Variants in CDH13 observed in about 807,000 individuals in gnomAD.
The protein encoded by CDH13 is cadherin 13, also known as cadherin-13.
CDH13 carries 24 observed loss-of-function variants against 63.8 expected under a neutral mutation model. That is an observed-to-expected ratio of 0.38 (90% CI 0.27 to 0.53). The LOEUF (loss-of-function observed/expected upper bound fraction) is 0.53, where lower values mean the gene tolerates loss of function less well. CDH13 is among the 20% of genes least tolerant of loss of function. The pLI, the probability that CDH13 is intolerant of heterozygous loss-of-function variation, is 0.85. For synonymous variants in CDH13, 503 were observed against 355.3 expected (o/e 1.42, Z -4.67); for missense variants, 1,049 against 903.1 (o/e 1.16, Z -2.07).
At chr16:83,447,372 G>A (rs574326215) in intron 6 of CDH13, among the ~76,000 whole-genome samples, 33 of 151,766 alleles carry the variant, frequency 2.2e-4, no homozygotes, top group African/African-American at 7.5e-4. Context: ...CTGAGATCAC[G>A]CCACTGCACT....
chr16:82,837,265 G>A (rs557982174), intron 1 of CDH13, among the ~76,000 whole-genome samples: 10 of 152,298 alleles, frequency 6.6e-5, no homozygotes, highest in South Asian at 6.2e-4. Context: ...AATAGTGGTG[G>A]TGAGCATGGG....
intron 5 of CDH13, among the ~76,000 whole-genome samples, chr16:83,230,486 T>C (rs531456157): frequency 6.6e-6 from 1 of 152,258 alleles, no homozygotes; most frequent in South Asian, 2.1e-4. Flanking sequence ...TCTGGAATTA[T>C]TTTTAGAAAG....
chr16:83,420,900 G>C (rs1300001909), intron 6 of CDH13, among the ~76,000 whole-genome samples: 1 of 152,216 alleles, frequency 6.6e-6, no homozygotes, highest in Non-Finnish European at 1.5e-5. Context: ...GGAACAGGAG[G>C]AAGCATCTAG....
intron 7 of CDH13, among the ~76,000 whole-genome samples, chr16:83,532,039 G>C (rs2075094706): frequency 1.3e-5 from 2 of 152,144 alleles, no homozygotes; most frequent in Non-Finnish European, 1.5e-5. Context: ...CTATGCTTGT[G>C]ATAGTGAGGA....
intron 1 of CDH13, among the ~76,000 whole-genome samples, chr16:82,638,868 C>G (rs996045309): frequency 2.1e-5 from 2 of 94,018 alleles, no homozygotes; most frequent in African/African-American, 6.9e-5. Flanking sequence ...GCCATGAGTA[C>G]TTGTTTAAAG....
At chr16:82,794,098 A>T (rs937184176) in intron 1 of CDH13, among the ~76,000 whole-genome samples, 1 of 152,002 alleles carries the variant, frequency 6.6e-6, no homozygotes, top group Admixed American at 6.6e-5. Flanking sequence ...CTGAGGGAGG[A>T]TGACTTTGAA....
chr16:82,998,936 G>A (rs536284773), intron 2 of CDH13, among the ~76,000 whole-genome samples: 50 of 143,436 alleles, frequency 3.5e-4, no homozygotes, highest in Non-Finnish European at 5.6e-4. Context: ...TGTTAAAGAA[G>A]CTTTCATTCT....
intron 5 of CDH13, among the ~76,000 whole-genome samples, chr16:83,291,236 A>G (rs1426401686): frequency 1.3e-5 from 2 of 152,156 alleles, no homozygotes; most frequent in Admixed American, 1.3e-4. Flanking sequence ...AATCTTTTAG[A>G]CTTTGCTGCT....
chr16:83,571,305 A>G (rs1904600255), intron 7 of CDH13, among the ~76,000 whole-genome samples: 2 of 152,182 alleles, frequency 1.3e-5, no homozygotes, highest in African/African-American at 2.4e-5. Context: ...CAGTGAGAAC[A>G]GGTAGCTGAT....
chr16:82,929,932 CAG>C (rs1294771503), intron 2 of CDH13, among the ~76,000 whole-genome samples: 1 of 151,860 alleles, frequency 6.6e-6, no homozygotes, highest in African/African-American at 2.4e-5. Flanking sequence ...TAACAACACT[CAG>C]AGAAACAGAG....
intron 3 of CDH13, among the ~76,000 whole-genome samples, chr16:83,035,772 C>G (rs1019497057): frequency 6.6e-6 from 1 of 152,110 alleles, no homozygotes. Context: ...ACCTCCTGAG[C>G]CTCTATGTAG....
rs563908277 is a variant in CDH13 at position 83,067,019 on chromosome 16, G to A, written c.366+34801G>A. On this transcript the variant is annotated intron_variant, in intron 3 of 13. Transcript: ENST00000567109. ...GAGTACTGCAAAGTTGCCTCCAGGA[G>A]GCATCTTATTTTCCAAGCTGCCATG... Among the ~76,000 whole-genome samples the A allele has an allele frequency of 1.2e-3, 180 of 152,268 alleles. 1 individual carries two copies. In the South Asian group the frequency reaches 0.013, roughly 11 times the overall value.
At chr16:83,122,396 A>AGTT (rs898238888) in intron 3 of CDH13, among the ~76,000 whole-genome samples, 3 of 152,228 alleles carry the variant, frequency 2.0e-5, no homozygotes, top group African/African-American at 7.2e-5. Flanking sequence ...AATGATACAA[A>AGTT]GTTTTCATTT....
chr16:83,309,614 A>G (rs756848065), intron 5 of CDH13, among the ~76,000 whole-genome samples: 5 of 152,094 alleles, frequency 3.3e-5, no homozygotes, highest in Non-Finnish European at 5.9e-5. Flanking sequence ...TGACCTCGTG[A>G]TCCACCCACC....
chr16:83,563,059 C>G (rs2075735625), intron 7 of CDH13, among the ~76,000 whole-genome samples: 1 of 152,194 alleles, frequency 6.6e-6, no homozygotes, highest in Non-Finnish European at 1.5e-5. Flanking sequence ...TACAAGATTC[C>G]TTTCATGATC....
At chr16:83,348,276 C>A (rs936771828) in intron 6 of CDH13, among the ~76,000 whole-genome samples, 3 of 152,182 alleles carry the variant, frequency 2.0e-5, no homozygotes, top group Non-Finnish European at 2.9e-5. Context: ...TTTGCAGGCC[C>A]AGCTGGGGGA....
At chr16:83,707,272 C>A (rs981713350) in intron 10 of CDH13, among the ~76,000 whole-genome samples, 1 of 152,198 alleles carries the variant, frequency 6.6e-6, no homozygotes, top group Non-Finnish European at 1.5e-5. Flanking sequence ...TGGTCCGTAA[C>A]ACTTTCGGTG....
chr16:83,184,765 A>C (rs1232217717), intron 4 of CDH13, among the ~76,000 whole-genome samples: 8 of 152,094 alleles, frequency 5.3e-5, no homozygotes, highest in African/African-American at 9.7e-5. Flanking sequence ...AAAAAAGCAA[A>C]GATGTGAGTC....
intron 5 of CDH13, among the ~76,000 whole-genome samples, chr16:83,267,692 C>T (rs1482395561): frequency 5.3e-5 from 8 of 152,296 alleles, no homozygotes; most frequent in Non-Finnish European, 7.4e-5. Context: ...CACAACATTA[C>T]GATGGAGCAA....
Sources: gnomAD v4.1 joint callset for allele counts (sites outside exome capture counted in the v4.1 genomes callset) on GRCh38, gnomAD v4.1.1 for gene constraint, MANE v1.5 for transcripts, NCBI Gene and HGNC (gene_info 2026-07-23, HGNC 2026-07-21) for gene names.